The following COL13A1 variants were observed in gnomAD, a reference collection of about 807,000 sequenced individuals.
COL13A1 encodes collagen alpha-1(XIII) chain.
In COL13A1, 89 loss-of-function variants were observed where a neutral mutation model predicts 130.9. The ratio of observed to expected loss-of-function variants is 0.68; its 90% confidence interval spans 0.57 to 0.81. COL13A1 has a LOEUF of 0.81. Among genes scored for constraint, COL13A1 ranks in the 30% least tolerant of loss-of-function variants. The probability of loss-of-function intolerance (pLI) is 0.00; values close to 1 mark genes in which losing one functional copy is unlikely to be tolerated. For synonymous variants in COL13A1, 402 were observed against 341.6 expected, an observed-to-expected ratio of 1.18 and a Z score of -1.95; for missense variants, 879 against 934.6, an observed-to-expected ratio of 0.94 and a Z score of 0.78.
chr10:69,905,875 G>A, intron 17 of COL13A1, 53 bp downstream of exon 17: 1 of 1,596,252 alleles, frequency 6.3e-7, no homozygotes, highest in South Asian at 1.1e-5. Flanking sequence ...CAAATCAGTG[G>A]CCTACTGGAC....
At chr10:69,884,684 T>C (rs1275766561) in intron 7 of COL13A1, among the ~76,000 whole-genome samples, 1 of 152,256 alleles carries the variant, frequency 6.6e-6, no homozygotes, top group Non-Finnish European at 1.5e-5. Flanking sequence ...AAGGATGTAA[T>C]ATTAATCCAT....
At chr10:69,883,503 T>C (rs142012680) in intron 7 of COL13A1, among the ~76,000 whole-genome samples, 10 of 152,354 alleles carry the variant, frequency 6.6e-5, no homozygotes, top group African/African-American at 2.2e-4. Context: ...CGTAGAAACC[T>C]GACCTCTGTC....
At chr10:69,817,645 C>T (rs1259715840) in intron 1 of COL13A1, among the ~76,000 whole-genome samples, 3 of 152,060 alleles carry the variant, frequency 2.0e-5, no homozygotes, top group Non-Finnish European at 2.9e-5. Flanking sequence ...TCTAGCCAGG[C>T]TCGTGGCTTA....
At chr10:69,808,371 A>C (rs985679774) in intron 1 of COL13A1, among the ~76,000 whole-genome samples, 1 of 152,158 alleles carries the variant, frequency 6.6e-6, no homozygotes, top group Non-Finnish European at 1.5e-5. Context: ...CCCTGCTCCA[A>C]CTTCCTGTTG....
At chr10:69,956,561 T>C in intron 39 of COL13A1, 1 of 177,866 alleles carries the variant, frequency 5.6e-6, no homozygotes, top group Admixed American at 5.4e-5. Context: ...GAGAGACAAA[T>C]AAGAGAATGA....
At chr10:69,820,425 G>A (rs548891880) in intron 1 of COL13A1, among the ~76,000 whole-genome samples, 77 of 152,328 alleles carry the variant, frequency 5.1e-4, no homozygotes, top group South Asian at 4.1e-3. Flanking sequence ...TCATTTAGCC[G>A]ACCTGTGTCA....
In COL13A1 at chr10:69,904,916, T is replaced by TTTC. The variant is rs1245891186; in HGVS notation, c.859-15_859-14insCTT. 4 of 1,539,376 alleles carry TTTC rather than the reference T, an allele frequency of 2.6e-6. No individual in the cohort carries two copies. Among genetic ancestry groups the TTTC allele is most frequent in the Non-Finnish European group, 3.5e-6 (4 of 1,145,732 alleles). ...ACCTTTTCTTTTTTCTTTTTTTTTT[T>TTTC]TTTTTTGCTTCCACAGGGCTTACCT... On this transcript the variant is annotated splice_polypyrimidine_tract_variant and intron_variant, in intron 15 of 40. Transcript: ENST00000645393.
In COL13A1 at chr10:69,904,968, C is replaced by A. The variant is rs773458076; in HGVS notation, c.885+9C>A. ...GGCCTCCTGGACCAAAGGTGAGTGT[C>A]CTTCTGGGTGATGTGTTGAACAGGT... On this transcript the variant is annotated intron_variant, in intron 16 of 40. Coordinates refer to ENST00000645393, the MANE Select transcript of COL13A1 (RefSeq NM_001368882.1). The A allele has an allele frequency of 6.4e-7, 1 of 1,554,282 alleles. No homozygotes were observed. The highest frequency in any genetic ancestry group is 8.7e-7 in the Non-Finnish European group (1 of 1,149,896).
intron 1 of COL13A1, among the ~76,000 whole-genome samples, chr10:69,816,127 G>A (rs896373773): frequency 2.3e-4 from 34 of 150,908 alleles, no homozygotes; most frequent in African/African-American, 7.8e-4. Flanking sequence ...AGAAAGGTCT[G>A]CAGGGGCACG....
intron 2 of COL13A1, among the ~76,000 whole-genome samples, chr10:69,858,646 G>A (rs1020415664): frequency 6.6e-6 from 1 of 152,194 alleles, no homozygotes; most frequent in Admixed American, 6.5e-5. Flanking sequence ...GACTCTGGGA[G>A]CCAACTTCAG....
At chr10:69,817,886 C>T (rs1314041161) in intron 1 of COL13A1, among the ~76,000 whole-genome samples, 3 of 152,116 alleles carry the variant, frequency 2.0e-5, no homozygotes, top group African/African-American at 7.2e-5. Context: ...GAAGCCTAGG[C>T]TGTGGATGGG....
At chr10:69,900,766 G>T (rs2135064859) in intron 14 of COL13A1, among the ~76,000 whole-genome samples, 1 of 151,592 alleles carries the variant, frequency 6.6e-6, no homozygotes, top group African/African-American at 2.4e-5. Context: ...TTTTGCTGGG[G>T]GCTTACTTGG....
chr10:69,822,681 C>T (rs896846499), intron 2 of COL13A1, among the ~76,000 whole-genome samples: 1 of 152,124 alleles, frequency 6.6e-6, no homozygotes, highest in Non-Finnish European at 1.5e-5. Flanking sequence ...ACTCTTTGAA[C>T]CAGGTTGTGG....
intron 4 of COL13A1, among the ~76,000 whole-genome samples, chr10:69,874,128 C>A (rs1028574366): frequency 2.6e-5 from 4 of 152,244 alleles, no homozygotes; most frequent in Non-Finnish European, 5.9e-5. Flanking sequence ...CTCAAAGCCA[C>A]CGTTGGTCTT....
At chr10:69,810,348 GA>G (rs1310712390) in intron 1 of COL13A1, among the ~76,000 whole-genome samples, 7 of 9,256 alleles carry the variant, frequency 7.6e-4, no homozygotes, top group Non-Finnish European at 1.4e-3. Flanking sequence ...CCCTGAGAAT[GA>G]GAGAGAGAGA....
chr10:69,958,276 A>G (rs55932707), intron 40 of COL13A1, among the ~76,000 whole-genome samples: 9,556 of 152,206 alleles, frequency 0.063, 555 homozygotes, highest in African/African-American at 0.16. Context: ...TCCTCTTTAA[A>G]GTTGCTGCCA....
chr10:69,875,094 C>T (rs773758520), intron 4 of COL13A1, 34 bp from the exon 5 acceptor site: 1 of 1,613,900 alleles, frequency 6.2e-7, no homozygotes, highest in South Asian at 1.1e-5. Flanking sequence ...TGGTTCCAAC[C>T]ACATCTGACT....
intron 35 of COL13A1, 129 bp from the exon 36 acceptor site, chr10:69,943,996 G>T (rs1290809498): frequency 2.4e-5 from 17 of 717,914 alleles, no homozygotes; most frequent in Non-Finnish European, 3.4e-5. Context: ...TGACTGCCCT[G>T]AACGAGCCTG....
intron 27 of COL13A1, 120 bp from the exon 28 acceptor site, chr10:69,928,817 C>A: frequency 1.6e-6 from 1 of 640,562 alleles, no homozygotes; most frequent in Non-Finnish European, 2.7e-6. Flanking sequence ...ATCTCTATCA[C>A]TGGAGAAAGG....
Sources: gnomAD v4.1 joint callset for allele counts (sites outside exome capture counted in the v4.1 genomes callset) on GRCh38, gnomAD v4.1.1 for gene constraint, MANE v1.5 for transcripts, NCBI Gene and HGNC (gene_info 2026-07-23, HGNC 2026-07-21) for gene names.